Variants in GSPT1 observed in about 807,000 individuals in gnomAD.
The protein encoded by GSPT1 is G1 to S phase transition 1.
In GSPT1, 20 loss-of-function variants were observed where a neutral mutation model predicts 72.5. That is an observed-to-expected ratio of 0.28 (90% confidence interval 0.19 to 0.40). The LOEUF (loss-of-function observed/expected upper bound fraction) is 0.40, where lower values mean the gene tolerates loss of function less well. Among genes scored for constraint, GSPT1 ranks in the 10% least tolerant of loss-of-function variants. GSPT1 has a pLI of 1.00. For synonymous variants in GSPT1, 334 were observed against 293.5 expected, an observed-to-expected ratio of 1.14 and a Z score of -1.41; for missense variants, 580 against 811.9, an observed-to-expected ratio of 0.71 and a Z score of 3.47.
intron 14 of GSPT1, 21 bp downstream of exon 14, chr16:11,875,740 C>T (rs372857360): frequency 1.8e-5 from 28 of 1,570,766 alleles, no homozygotes; most frequent in South Asian, 2.3e-5. Flanking sequence ...TACTACTAGA[C>T]GTCAGTTTAA....
chr16:11,906,776 A>T (rs1270831558), intron 1 of GSPT1, among the ~76,000 whole-genome samples: 9 of 152,244 alleles, frequency 5.9e-5, no homozygotes, highest in Non-Finnish European at 2.9e-5. Context: ...TAATAAATCC[A>T]GCAGCCAACA....
At chr16:11,878,361 C>T (rs1281021936) in intron 11 of GSPT1, among the ~76,000 whole-genome samples, 2 of 152,222 alleles carry the variant, frequency 1.3e-5, no homozygotes, top group East Asian at 1.9e-4. Flanking sequence ...AGGTGATCCA[C>T]CCACCTTGGC....
At chr16:11,912,770 C>G (rs2054576797) in intron 1 of GSPT1, among the ~76,000 whole-genome samples, 1 of 152,200 alleles carries the variant, frequency 6.6e-6, no homozygotes, top group African/African-American at 2.4e-5. Context: ...TTTTTATTCA[C>G]TTGGGGACCT....
intron 11 of GSPT1, among the ~76,000 whole-genome samples, chr16:11,879,430 T>A (rs1296605274): frequency 7.2e-6 from 1 of 138,382 alleles, no homozygotes; most frequent in Admixed American, 7.5e-5. Context: ...TAGAAGTCAC[T>A]CACCTAAAAA....
At chr16:11,900,589 T>G (rs1039416479) in intron 1 of GSPT1, among the ~76,000 whole-genome samples, 2 of 152,072 alleles carry the variant, frequency 1.3e-5, no homozygotes, top group Admixed American at 6.6e-5. Context: ...CTGCAGGCAT[T>G]TCCAAGTTAT....
chr16:11,905,279 AC>A (rs2054474371), intron 1 of GSPT1, among the ~76,000 whole-genome samples: 1 of 152,238 alleles, frequency 6.6e-6, no homozygotes, highest in African/African-American at 2.4e-5. Flanking sequence ...GTCACCAGCC[AC>A]ATGTGGTTAT....
At chr16:11,879,995 A>C (rs1194886519) in intron 11 of GSPT1, among the ~76,000 whole-genome samples, 1 of 152,180 alleles carries the variant, frequency 6.6e-6, no homozygotes, top group East Asian at 1.9e-4. Flanking sequence ...TGCAAAACTG[A>C]AACTCCCCGT....
intron 6 of GSPT1, 110 bp from the exon 7 acceptor site, chr16:11,887,860 C>G (rs1280964804): frequency 2.2e-5 from 17 of 773,178 alleles, no homozygotes; most frequent in Non-Finnish European, 3.6e-5. Context: ...AAATCACGAA[C>G]AAGATTGGTG....
intron 1 of GSPT1, chr16:11,915,103 G>T: frequency 7.8e-7 from 1 of 1,277,272 alleles, no homozygotes; most frequent in Admixed American, 2.4e-5. Flanking sequence ...GCGGACTCCA[G>T]AGCAGGGCAG....
rs555717233 is a variant in GSPT1 at position 11,889,966 on chromosome 16, T to C, written c.776+1096A>G. Among the ~76,000 whole-genome samples the C allele has an allele frequency of 5.7e-5, 8 of 141,096 alleles. No individual in the cohort carries two copies. In the East Asian group the frequency reaches 1.6e-3, roughly 29 times the overall value. The allele number at this position is 141,096 out of a possible 152,430, so 92.6% of individuals were successfully genotyped here. ...CAATAAAAGTTGTTTTCCTTTTTTC[T>C]TTTTTTTTTTTTGACATGGTGTCTC... On this transcript the variant is annotated intron_variant, in intron 6 of 14. Coordinates refer to ENST00000434724, the MANE Select transcript of GSPT1 (RefSeq NM_002094.4).
At chr16:11,905,523 C>G (rs1169394787) in intron 1 of GSPT1, among the ~76,000 whole-genome samples, 2 of 152,140 alleles carry the variant, frequency 1.3e-5, no homozygotes, top group Non-Finnish European at 2.9e-5. Context: ...CATGACACCT[C>G]TTTAAATTAG....
At chr16:11,884,978 G>C (rs1183476846) in intron 10 of GSPT1, among the ~76,000 whole-genome samples, 2 of 151,710 alleles carry the variant, frequency 1.3e-5, no homozygotes. Flanking sequence ...TGAGGCAGGA[G>C]AATCACTTGA....
intron 6 of GSPT1, among the ~76,000 whole-genome samples, chr16:11,888,459 C>G (rs1380156305): frequency 1.2e-4 from 16 of 132,562 alleles, no homozygotes; most frequent in Non-Finnish European, 2.4e-4. Flanking sequence ...GAGACTCTGT[C>G]TCTCAAAAAA....
chr16:11,885,057 A>C, intron 10 of GSPT1, 124 bp downstream of exon 10: 4 of 569,790 alleles, frequency 7.0e-6, no homozygotes, highest in Non-Finnish European at 1.3e-5. Flanking sequence ...GACAGAGTGC[A>C]AGATTCTGTC....
At chr16:11,909,488 G>C (rs1258003066) in intron 1 of GSPT1, among the ~76,000 whole-genome samples, 2 of 152,146 alleles carry the variant, frequency 1.3e-5, no homozygotes, top group African/African-American at 4.8e-5. Context: ...ACCAAGGGTA[G>C]AATGATGAAA....
chr16:11,880,155 T>G (rs2054104303), intron 11 of GSPT1: 2 of 152,970 alleles, frequency 1.3e-5, no homozygotes, highest in Admixed American at 6.5e-5. Context: ...ATTCATGTTG[T>G]GGCCTGTGTC....
chr16:11,897,815 T>C lies in GSPT1; in HGVS notation c.436+25A>G, dbSNP rs373254057. On this transcript the variant is annotated intron_variant, in intron 3 of 14. Transcript: ENST00000434724. ...AGTGAAAGAGTTTCATATTACTGTA[T>C]TAATATGGTCAGAAATTTTCTTACC... is the stretch of plus-strand genomic sequence containing the variant. The C allele has an allele frequency of 2.6e-4, 328 of 1,246,016 alleles. 4 individuals are homozygous for C. The East Asian group carries it at 6.9e-3, about 26-fold the overall frequency. The allele number at this position is 1,246,016 out of a possible 1,614,324, so 77.2% of individuals were successfully genotyped here. A position where few individuals can be genotyped will look rare whatever the true frequency, so the allele number is the denominator to read the frequency against.
chr16:11,909,194 A>C (rs2054527321), intron 1 of GSPT1, among the ~76,000 whole-genome samples: 1 of 150,392 alleles, frequency 6.6e-6, no homozygotes, highest in South Asian at 2.1e-4. Context: ...AGCCTTATTA[A>C]GTGTTCTTCT....
rs2053950607 is a variant in GSPT1 at position 11,869,120 on chromosome 16, C to CCTGAA, written c.*3994_*3998dup. On this transcript the variant is annotated 3_prime_UTR_variant, in exon 15 of 15. Coordinates refer to ENST00000434724, the MANE Select transcript of GSPT1 (RefSeq NM_002094.4). The stretch of plus-strand genomic sequence containing the variant: ...ACCACCAAAAGTTGAACCAAATCTA[C>CCTGAA]CTGAACTGAACTGATAGTAAACTGG... 6.6e-6 allele frequency: 1 copy of CCTGAA among 152,168 alleles called. No homozygotes were observed. Among genetic ancestry groups the CCTGAA allele is most frequent in the African/African-American group, 2.4e-5 (1 of 41,440 alleles). The allele number at this position is 152,168 out of a possible 1,614,324, so 9.4% of individuals were successfully genotyped here.
Sources: allele counts gnomAD v4.1 joint callset (sites outside exome capture counted in the v4.1 genomes callset), GRCh38; gene constraint gnomAD v4.1.1; transcripts MANE v1.5; gene names NCBI Gene and HGNC (gene_info 2026-07-23, HGNC 2026-07-21).